The following HIP1 variants were observed in gnomAD, a reference collection of about 807,000 sequenced individuals.
HIP1 encodes the protein huntingtin-interacting protein 1.
A neutral mutation model predicts 147.6 loss-of-function variants in HIP1; 65 were observed. The ratio of observed to expected loss-of-function variants is 0.44; its 90% confidence interval spans 0.36 to 0.54. HIP1 has a LOEUF of 0.54. Ranked by LOEUF, HIP1 falls within the 20% of genes least tolerant of loss-of-function variation. The probability of loss-of-function intolerance (pLI) is 0.00; values close to 1 mark genes in which losing one functional copy is unlikely to be tolerated. For synonymous variants in HIP1, 479 were observed against 504.0 expected (o/e 0.95, Z 0.67); for missense variants, 1,061 against 1,299.6 (o/e 0.82, Z 2.82).
At chr7:75,665,385 G>A (rs539637270) in intron 1 of HIP1, among the ~76,000 whole-genome samples, 1 of 152,246 alleles carries the variant, frequency 6.6e-6, no homozygotes, top group Admixed American at 6.6e-5. Context: ...AGCTTGGAGG[G>A]GCAGGAAGGT....
At chr7:75,593,496 G>A (rs1254428625) in intron 2 of HIP1, among the ~76,000 whole-genome samples, 6 of 152,066 alleles carry the variant, frequency 3.9e-5, no homozygotes, top group Non-Finnish European at 8.8e-5. Flanking sequence ...TGGGCGTGGC[G>A]GTGGGCGCCT....
chr7:75,715,456 CACAGAGAGAG>C (rs1202682495), intron 1 of HIP1, among the ~76,000 whole-genome samples: 33 of 143,596 alleles, frequency 2.3e-4, no homozygotes, highest in Admixed American at 4.9e-4. Flanking sequence ...GAGAGACACA[CACAGAGAGAG>C]AGAGAGAGAG....
At chr7:75,695,597 T>C (rs1237720749) in intron 1 of HIP1, among the ~76,000 whole-genome samples, 1 of 151,848 alleles carries the variant, frequency 6.6e-6, no homozygotes, top group Non-Finnish European at 1.5e-5. Context: ...GTTTTTTAGA[T>C]GGAGTCTCAC....
In HIP1 at chr7:75,738,812, C is replaced by A; in HGVS notation, c.109G>T (p.Glu37Ter). Residue 37 changes from glutamate to a stop codon, truncating the protein, a stop_gained, in exon 1 of 31, where the codon GAG (glutamate) becomes TAG (stop). Coordinates refer to ENST00000336926, the MANE Select transcript of HIP1 (RefSeq NM_005338.7). LOFTEE classifies it high-confidence loss of function. ...TCCCCCGTCCTCACCTGAGTCCGCT[C>A]GAAGCTCTCGCGCTCCGCCGCCTCC... is the stretch of plus-strand genomic sequence containing the variant. ...GLEAAERESF[E>*]RTQTVSINKA... The A allele has an allele frequency of 1.2e-6, 2 of 1,601,400 alleles. No individual in the cohort carries two copies. The highest frequency in any genetic ancestry group is 8.5e-7 in the Non-Finnish European group (1 of 1,175,790).
chr7:75,705,416 G>A (rs1386484612), intron 1 of HIP1, among the ~76,000 whole-genome samples: 1 of 150,540 alleles, frequency 6.6e-6, no homozygotes, highest in African/African-American at 2.5e-5. Flanking sequence ...CGCCCAGGCT[G>A]GAGTACAGTG....
At chr7:75,700,213 C>T (rs781915566) in intron 1 of HIP1, among the ~76,000 whole-genome samples, 3 of 152,122 alleles carry the variant, frequency 2.0e-5, no homozygotes, top group Non-Finnish European at 4.4e-5. Flanking sequence ...GCTCATCCCA[C>T]CCTTTTCACA....
In HIP1 at chr7:75,533,560, A is replaced by G; in HGVS notation, c.*4612T>C. On this transcript the variant is annotated 3_prime_UTR_variant, in exon 31 of 31. Transcript: ENST00000336926. ...AAACTGAAATGTGAAAGAGTCTGTTATAAGTTTGAGACAACTGCATTATCA... is the reference window on the plus strand; with the variant it reads ...AAACTGAAATGTGAAAGAGTCTGTTGTAAGTTTGAGACAACTGCATTATCA... The G allele has an allele frequency of 4.3e-6, 1 of 232,072 alleles. No homozygotes were observed. The highest frequency in any genetic ancestry group is 8.5e-6 in the Non-Finnish European group (1 of 117,312). 14.4% of individuals were successfully genotyped at this position (232,072 alleles called of 1,614,324 possible).
At chr7:75,731,436 T>C (rs1801833934) in intron 1 of HIP1, among the ~76,000 whole-genome samples, 1 of 128,886 alleles carries the variant, frequency 7.8e-6, no homozygotes, top group Admixed American at 9.7e-5. Context: ...TGAGCCGAGA[T>C]GGCGCCATTG....
intron 14 of HIP1, 35 bp from the exon 15 acceptor site, chr7:75,558,290 C>A (rs370932332): frequency 6.6e-7 from 1 of 1,520,018 alleles, no homozygotes; most frequent in Non-Finnish European, 9.1e-7. Context: ...GGAGTCTAAC[C>A]TAGCAGGGAC....
At chr7:75,654,454 C>T (rs1554512377) in intron 1 of HIP1, 1 of 152,170 alleles carries the variant, frequency 6.6e-6, no homozygotes, top group Non-Finnish European at 1.5e-5. Flanking sequence ...GTTATGGCTA[C>T]AGGTTCTTTC....
chr7:75,590,052 A>G (rs1796445910), intron 4 of HIP1, among the ~76,000 whole-genome samples: 1 of 152,096 alleles, frequency 6.6e-6, no homozygotes, highest in Non-Finnish European at 1.5e-5. Flanking sequence ...ATTCTTAAAC[A>G]AGCAAACACA....
intron 1 of HIP1, among the ~76,000 whole-genome samples, chr7:75,661,073 G>A (rs1554513523): frequency 6.6e-6 from 1 of 152,006 alleles, no homozygotes. Context: ...GAGCCCAGGA[G>A]TTCAAGACTA....
At chr7:75,662,238 C>T (rs1799344783) in intron 1 of HIP1, among the ~76,000 whole-genome samples, 2 of 152,054 alleles carry the variant, frequency 1.3e-5, no homozygotes, top group Non-Finnish European at 2.9e-5. Flanking sequence ...GGATGGACCA[C>T]AGTGGTGCGA....
intron 1 of HIP1, among the ~76,000 whole-genome samples, chr7:75,731,165 G>C (rs1554522974): frequency 6.6e-6 from 1 of 151,942 alleles, no homozygotes; most frequent in Non-Finnish European, 1.5e-5. Context: ...AGGTTGGGGA[G>C]ATAGAAGGGT....
chr7:75,557,725 C>T lies in HIP1; in HGVS notation c.1510G>A (p.Val504Ile), dbSNP rs1554493719. 1 of 1,614,192 alleles carries T rather than the reference C, an allele frequency of 6.2e-7. No homozygotes were observed. Among genetic ancestry groups the T allele is most frequent in the Non-Finnish European group, 8.5e-7 (1 of 1,180,028 alleles). ...TCTTTTTTCTCTCGTTCCAAATCTA[C>T]CTGGGCTTGTCTGGCCATGGACACC... ...KQVSMARQAQ[V>I]DLEREKKELE... The change falls in exon 16 of 31, where the codon GTA (valine) becomes ATA (isoleucine). Residue 504 changes from valine to isoleucine, a missense_variant. Physicochemically the swap from Val to Ile is conservative, Grantham distance 29. Transcript: ENST00000336926.
chr7:75,652,008 C>CA (rs1799007957), intron 1 of HIP1, among the ~76,000 whole-genome samples: 1 of 116,480 alleles, frequency 8.6e-6, no homozygotes, highest in African/African-American at 3.7e-5. Context: ...GACTCTGTCT[C>CA]AAAGAAAAAA....
At chr7:75,732,551 T>C (rs1801870856) in intron 1 of HIP1, among the ~76,000 whole-genome samples, 1 of 152,068 alleles carries the variant, frequency 6.6e-6, no homozygotes. Context: ...TTGATTTGAT[T>C]TGATTTTTTT....
chr7:75,535,988 A>T lies in HIP1; in HGVS notation c.*2184T>A, dbSNP rs900603612. ...CTCAGCCTCTCAAAGTGCTGGGATT[A>T]CAGGCGTGAGCCACTGTGCCCGGCC... On this transcript the variant is annotated 3_prime_UTR_variant, in exon 31 of 31. Transcript: ENST00000336926. 5.6e-5 allele frequency: 10 copies of T among 179,106 alleles called. No individual in the cohort carries two copies. The highest frequency in any genetic ancestry group is 8.4e-5 in the Non-Finnish European group (7 of 83,624). 11.1% of individuals were successfully genotyped at this position (179,106 alleles called of 1,614,324 possible).
intron 28 of HIP1, 133 bp from the exon 29 acceptor site, chr7:75,542,113 G>A (rs1794345715): frequency 1.5e-5 from 11 of 734,644 alleles, no homozygotes; most frequent in South Asian, 1.2e-4. Flanking sequence ...AGTAAGTGAG[G>A]GGGCCAGACA....
Sources: allele counts gnomAD v4.1 joint callset (sites outside exome capture counted in the v4.1 genomes callset), GRCh38; gene constraint gnomAD v4.1.1; transcripts MANE v1.5; gene names NCBI Gene and HGNC (gene_info 2026-07-23, HGNC 2026-07-21).